The following PLEKHA4 variants were observed in gnomAD, a reference collection of about 807,000 sequenced individuals.
PLEKHA4 encodes pleckstrin homology domain containing A4, also known as pleckstrin homology domain-containing family A member 4.
Under a neutral mutation model 94.7 loss-of-function variants are expected in PLEKHA4, and 73 were observed. The ratio of observed to expected loss-of-function variants is 0.77; its 90% confidence interval spans 0.64 to 0.94. The LOEUF is 0.94. PLEKHA4 is among the 40% of genes least tolerant of loss of function. The pLI is 0.00. For synonymous variants in PLEKHA4, 449 were observed against 437.1 expected, an observed-to-expected ratio of 1.03 and a Z score of -0.34; for missense variants, 1,049 against 1,054.1, an observed-to-expected ratio of 1.00 and a Z score of 0.07.
At chr19:48,841,954 A>G (rs2035784389) in intron 16 of PLEKHA4, among the ~76,000 whole-genome samples, 1 of 152,060 alleles carries the variant, frequency 6.6e-6, no homozygotes, top group Non-Finnish European at 1.5e-5. Flanking sequence ...TCTAAAAGTA[A>G]AAAGTAAAGA....
chr19:48,844,316 G>A (rs370650393), intron 16 of PLEKHA4: 4 of 323,716 alleles, frequency 1.2e-5, no homozygotes, highest in Non-Finnish European at 1.8e-5. Context: ...CATCACGCTC[G>A]GATAATTTTT....
intron 3 of PLEKHA4, among the ~76,000 whole-genome samples, chr19:48,862,749 G>T (rs1351753509): frequency 6.7e-6 from 1 of 148,676 alleles, no homozygotes; most frequent in Non-Finnish European, 1.5e-5. Context: ...TCCTGACCTT[G>T]TGATCTGCCT....
Position 48,861,792 on chromosome 19 carries a change from C to A in PLEKHA4, c.193-100G>T, listed in dbSNP as rs2036651972. The A allele has an allele frequency of 3.7e-6, 4 of 1,094,452 alleles. No homozygotes were observed. In the African/African-American group the frequency reaches 6.3e-5, roughly 17 times the overall value. The allele number at this position is 1,094,452 out of a possible 1,614,324, so 67.8% of individuals were successfully genotyped here. Reference sequence around the variant, plus strand: ...ACAGAGAGCCAGAGAGAGAAAGAAACTTGGAGAGAGGAGAACAGAGACATA... The same window carrying A: ...ACAGAGAGCCAGAGAGAGAAAGAAAATTGGAGAGAGGAGAACAGAGACATA... On this transcript the variant is annotated intron_variant, in intron 3 of 19. Coordinates refer to ENST00000263265, the MANE Select transcript of PLEKHA4 (RefSeq NM_020904.3).
At position 48,837,659 on chromosome 19, in the gene PLEKHA4, C is replaced by T. The variant is rs2035586129; in HGVS notation, c.2078-108G>A. 1 of 1,366,076 alleles carries T rather than the reference C, an allele frequency of 7.3e-7. No individual in the cohort carries two copies. Among genetic ancestry groups the T allele is most frequent in the Middle Eastern group, 2.5e-4 (1 of 4,002 alleles). 84.6% of individuals were successfully genotyped at this position (1,366,076 alleles called of 1,614,324 possible). ...GGACTCCGGATTCCCAGCCCCTCCT[C>T]CATCAGACCCAGGAGTCCAGGCCCC... On this transcript the variant is annotated intron_variant, in intron 19 of 19. Coordinates refer to ENST00000263265, the MANE Select transcript of PLEKHA4 (RefSeq NM_020904.3). The surrounding 1 kb of genome is among the most constrained non-coding windows in gnomAD (Gnocchi z 4.3).
At chr19:48,847,369 G>A (rs1284554229) in intron 14 of PLEKHA4, among the ~76,000 whole-genome samples, 1 of 152,056 alleles carries the variant, frequency 6.6e-6, no homozygotes, top group African/African-American at 2.4e-5. Context: ...CCAAGAATTC[G>A]AGGCTGCAGT....
intron 7 of PLEKHA4, 36 bp from the exon 8 acceptor site, chr19:48,859,175 T>A: frequency 6.8e-7 from 1 of 1,459,956 alleles, no homozygotes; most frequent in African/African-American, 1.4e-5. Context: ...CTGAGTCAAC[T>A]AGAGCCCTCT....
At chr19:48,852,015 C>G (rs2036211533) in intron 13 of PLEKHA4, among the ~76,000 whole-genome samples, 1 of 151,848 alleles carries the variant, frequency 6.6e-6, no homozygotes, top group South Asian at 2.1e-4. Context: ...AAAATTGAAG[C>G]TTAATTAAAA....
intron 2 of PLEKHA4, among the ~76,000 whole-genome samples, chr19:48,866,796 C>T (rs1416558016): frequency 6.6e-6 from 1 of 152,148 alleles, no homozygotes; most frequent in African/African-American, 2.4e-5. Flanking sequence ...TCAGGGGGAA[C>T]TCTCACGCTG....
rs768927482 is a variant in PLEKHA4, at chr19:48,854,078, T to A, written c.1105A>T (p.Thr369Ser). The A allele has an allele frequency of 6.2e-7, 1 of 1,614,150 alleles. No homozygotes were observed. Among genetic ancestry groups the A allele is most frequent in the Admixed American group, 1.7e-5 (1 of 60,000 alleles). Residue 369 changes from threonine (T) to serine (S), a missense_variant, in exon 11 of 20, where the codon ACC becomes TCC. Thr to Ser is a moderately conservative substitution (Grantham distance 58, BLOSUM62 1). Transcript: ENST00000263265. The stretch of plus-strand genomic sequence containing the variant: ...AGCCGGTCCTGCCCGCACAACTTGG[T>A]CAGCAGCGTCTGGAGAAAGGAGAGC... ...HQSLETDTLL[T>S]KLCGQDRLLR...
chr19:48,849,209 G>A (rs909528130), intron 13 of PLEKHA4, among the ~76,000 whole-genome samples: 12 of 151,868 alleles, frequency 7.9e-5, no homozygotes, highest in Admixed American at 1.3e-4. Flanking sequence ...GCTGGCATGG[G>A]TCTGTTCTTG....
Position 48,837,352 on chromosome 19 carries a change from C to G in PLEKHA4, c.2277G>C (p.Pro759=), listed in dbSNP as rs2035566832. The G allele has an allele frequency of 6.2e-7, 1 of 1,613,774 alleles. No individual in the cohort carries two copies. The highest frequency in any genetic ancestry group is 1.1e-5 in the South Asian group (1 of 91,088). Reference sequence around the variant, plus strand: ...ATGCCCCCTCGTCTTGTGGCAGGACCGGAGGGGCGATCCCGGCATCCCACG... The same window carrying G: ...ATGCCCCCTCGTCTTGTGGCAGGACGGGAGGGGCGATCCCGGCATCCCACG... ...GPAWDAGIAP[P]VLPQDEGAWP... The change falls in exon 20 of 20, where the codon CCG becomes CCC. Residue 759 remains proline, a synonymous_variant. Transcript: ENST00000263265. This position sits in a 1 kb window ranked among gnomAD's most constrained non-coding sequence, Gnocchi z 4.3.
intron 17 of PLEKHA4, 46 bp from the exon 18 acceptor site, chr19:48,839,309 C>T (rs377333588): frequency 9.5e-6 from 13 of 1,375,442 alleles, no homozygotes; most frequent in African/African-American, 4.4e-5. Flanking sequence ...GGAAGCCCCA[C>T]GTTCTCATTT....
At chr19:48,852,816 C>G (rs1053777392) in intron 12 of PLEKHA4, among the ~76,000 whole-genome samples, 2 of 151,936 alleles carry the variant, frequency 1.3e-5, no homozygotes, top group Non-Finnish European at 2.9e-5. Flanking sequence ...GCCTGTAATC[C>G]CAGGTATTCG....
rs111485915 is a variant in PLEKHA4, at chr19:48,865,988, C to G, written c.85-378G>C. On this transcript the variant is annotated intron_variant, in intron 2 of 19. Transcript: ENST00000263265. Reference sequence around the variant, plus strand: ...GAGATCGCACCACTGCACTCCAGCCCGGGAGACAGAGTGAGACTCCGTCTC... The same window carrying G: ...GAGATCGCACCACTGCACTCCAGCCGGGGAGACAGAGTGAGACTCCGTCTC... 8.8e-3 allele frequency among the ~76,000 whole-genome samples: 1,312 copies of G among 149,370 alleles called. 16 individuals are homozygous for G. Among genetic ancestry groups the G allele is most frequent in the African/African-American group, 0.03 (1,225 of 40,554 alleles).
chr19:48,840,170 C>T (rs1457142769), intron 17 of PLEKHA4, among the ~76,000 whole-genome samples: 1 of 151,930 alleles, frequency 6.6e-6, no homozygotes, highest in Non-Finnish European at 1.5e-5. Flanking sequence ...ATATTCTTAG[C>T]ACCTCCTTCC....
intron 12 of PLEKHA4, among the ~76,000 whole-genome samples, chr19:48,853,253 G>A (rs1341160174): frequency 3.3e-5 from 5 of 151,992 alleles, no homozygotes; most frequent in South Asian, 2.1e-4. Flanking sequence ...ACTTAAGGCC[G>A]GGCGCAGTGG....
At chr19:48,865,292 G>A (rs892359611) in intron 3 of PLEKHA4, among the ~76,000 whole-genome samples, 3 of 152,000 alleles carry the variant, frequency 2.0e-5, no homozygotes, top group Non-Finnish European at 2.9e-5. Flanking sequence ...GCATTGAGCC[G>A]AGATCATACC....
At chr19:48,847,519 G>A (rs1045934333) in intron 14 of PLEKHA4, among the ~76,000 whole-genome samples, 1 of 152,102 alleles carries the variant, frequency 6.6e-6, no homozygotes, top group African/African-American at 2.4e-5. Flanking sequence ...ATTACTCAAG[G>A]CCAGGAGTAC....
rs531499767 is a variant in PLEKHA4 at position 48,861,917 on chromosome 19, G to A, written c.193-225C>T. Among the ~76,000 whole-genome samples, 31 of 152,040 alleles carry A rather than the reference G, an allele frequency of 2.0e-4. No homozygotes were observed. The South Asian group carries it at 6.4e-3, about 32-fold the overall frequency. On this transcript the variant is annotated intron_variant, in intron 3 of 19. Transcript: ENST00000263265. ...AAGGCAGGTGGATCACTCAATTCCA[G>A]GAGTTTGAGACCAGCTTGGGTAACA...
Sources: gnomAD v4.1 joint callset for allele counts (sites outside exome capture counted in the v4.1 genomes callset) on GRCh38, gnomAD v4.1.1 for gene constraint, Gnocchi (gnomAD v3.1) non-coding constraint, MANE v1.5 for transcripts, NCBI Gene and HGNC (gene_info 2026-07-23, HGNC 2026-07-21) for gene names.